Variants in PLCE1 observed in about 807,000 individuals in gnomAD.
PLCE1 encodes the protein 1-phosphatidylinositol 4,5-bisphosphate phosphodiesterase epsilon-1.
Under a neutral mutation model 242.8 loss-of-function variants are expected in PLCE1, and 119 were observed. The observed-to-expected ratio is 0.49, with a 90% CI of 0.42 to 0.57. The LOEUF (loss-of-function observed/expected upper bound fraction) is 0.57. Among genes scored for constraint, PLCE1 ranks in the 20% least tolerant of loss-of-function variants. PLCE1 has a pLI of 0.00. For missense variants in PLCE1, 2,441 were observed against 2,788.8 expected, an observed-to-expected ratio of 0.88 and a Z score of 2.81; for synonymous variants, 945 against 1,017.4, an observed-to-expected ratio of 0.93 and a Z score of 1.35.
chr10:94,306,741 C>T lies in PLCE1; in HGVS notation c.5884+53C>T. Reference sequence around the variant, plus strand: ...AATTGTTGTAGCTAGGTGATGGATGCCAGAATTTCCTTATACTCTTCTCTC... The same window carrying T: ...AATTGTTGTAGCTAGGTGATGGATGTCAGAATTTCCTTATACTCTTCTCTC... On this transcript the variant is annotated intron_variant, in intron 26 of 32. Transcript: ENST00000371380. This position sits in a 1 kb window ranked among gnomAD's most constrained non-coding sequence, Gnocchi z 5.7. 1 of 1,333,196 alleles carries T rather than the reference C, an allele frequency of 7.5e-7. No individual in the cohort carries two copies. Among genetic ancestry groups the T allele is most frequent in the Non-Finnish European group, 1.1e-6 (1 of 943,506 alleles). The allele number at this position is 1,333,196 out of a possible 1,614,324, so 82.6% of individuals were successfully genotyped here.
chr10:94,156,272 AC>A, intron 3 of PLCE1, among the ~76,000 whole-genome samples: 1 of 152,200 alleles, frequency 6.6e-6, no homozygotes, highest in Non-Finnish European at 1.5e-5. Flanking sequence ...AGCATCAGAC[AC>A]CACGGGTTAA....
intron 7 of PLCE1, among the ~76,000 whole-genome samples, chr10:94,240,277 T>C (rs2050459737): frequency 6.6e-6 from 1 of 152,206 alleles, no homozygotes; most frequent in Non-Finnish European, 1.5e-5. Context: ...AGAGCCTATC[T>C]TTAAGCAAAC....
At chr10:94,264,421 G>A (rs760058542) in intron 14 of PLCE1, among the ~76,000 whole-genome samples, 7 of 152,004 alleles carry the variant, frequency 4.6e-5, no homozygotes, top group East Asian at 1.9e-4. Context: ...CCAATCATCC[G>A]GGCCTTTTAG....
intron 2 of PLCE1, among the ~76,000 whole-genome samples, chr10:94,068,772 G>A (rs2044270570): frequency 6.6e-6 from 1 of 152,208 alleles, no homozygotes; most frequent in Non-Finnish European, 1.5e-5. Context: ...GGATTACCAA[G>A]CTAATAATTA....
intron 2 of PLCE1, among the ~76,000 whole-genome samples, chr10:94,077,820 T>C (rs931105107): frequency 2.0e-5 from 3 of 152,168 alleles, no homozygotes; most frequent in Admixed American, 1.3e-4. Flanking sequence ...GTTTACATCT[T>C]TGTGCACTTT....
chr10:94,163,007 C>T (rs1353605155), intron 3 of PLCE1, among the ~76,000 whole-genome samples: 27 of 152,094 alleles, frequency 1.8e-4, no homozygotes, highest in Admixed American at 1.3e-3. Flanking sequence ...TTGATTGCAC[C>T]GTGGTCTGAG....
chr10:94,304,227 T>A (rs905675031), intron 24 of PLCE1, among the ~76,000 whole-genome samples: 3 of 152,204 alleles, frequency 2.0e-5, no homozygotes, highest in Non-Finnish European at 4.4e-5. Flanking sequence ...GTGGTAACAC[T>A]GGGCATATCC....
intron 3 of PLCE1, among the ~76,000 whole-genome samples, chr10:94,150,177 C>T (rs950520466): frequency 3.0e-4 from 45 of 152,328 alleles, no homozygotes; most frequent in Admixed American, 5.9e-4. Flanking sequence ...CACTACGGCC[C>T]CGCCGCTGTG....
At position 94,328,803 on chromosome 10, in the gene PLCE1, C is replaced by CAGTT. The variant is rs1329546246; in HGVS notation, c.*862_*865dup. 2.0e-5 allele frequency: 3 copies of CAGTT among 151,938 alleles called. No homozygotes were observed. The highest frequency in any genetic ancestry group is 7.3e-5 in the African/African-American group (3 of 41,366). The allele number at this position is 151,938 out of a possible 1,614,324, so 9.4% of individuals were successfully genotyped here. ...GTTTTTTTTAAGGTTATTGCCTATT[C>CAGTT]AGTTAATAGGGTTGCTTTAAAAAAG... On this transcript the variant is annotated 3_prime_UTR_variant, in exon 33 of 33. Coordinates refer to ENST00000371380, the MANE Select transcript of PLCE1 (RefSeq NM_016341.4).
intron 2 of PLCE1, among the ~76,000 whole-genome samples, chr10:94,125,415 C>G (rs2046408870): frequency 6.6e-6 from 1 of 151,444 alleles, no homozygotes; most frequent in Non-Finnish European, 1.5e-5. Flanking sequence ...TTTTTTGAGA[C>G]AGAGTCTCGC....
intron 2 of PLCE1, among the ~76,000 whole-genome samples, chr10:94,076,180 G>A (rs1320312570): frequency 4.0e-5 from 6 of 151,884 alleles, no homozygotes; most frequent in South Asian, 4.2e-4. Context: ...CTGCTTCTGC[G>A]GTAGCTCTAG....
At chr10:94,283,472 C>T in intron 20 of PLCE1, 1 of 331,972 alleles carries the variant, frequency 3.0e-6, no homozygotes. Context: ...ATAATATTTG[C>T]ACAGTTCCAA....
At chr10:94,288,674 A>T (rs534202247) in intron 22 of PLCE1, among the ~76,000 whole-genome samples, 2 of 152,160 alleles carry the variant, frequency 1.3e-5, no homozygotes, top group Non-Finnish European at 2.9e-5. Context: ...CTTTGGATCC[A>T]CCACACAGTC....
Position 94,000,153 on chromosome 10 carries a change from G to A in PLCE1, c.-365+5895G>A, listed in dbSNP as rs570717072. 3.9e-4 allele frequency among the ~76,000 whole-genome samples: 59 copies of A among 152,316 alleles called. No individual in the cohort carries two copies. In the East Asian group the frequency reaches 0.01, roughly 27 times the overall value. ...TCTTATATACTGGGGCTCTGTTTGA[G>A]ATTTTGCGTGAAAGAGGGGCTCTAT... On this transcript the variant is annotated intron_variant, in intron 1 of 32. Coordinates refer to ENST00000371380, the MANE Select transcript of PLCE1 (RefSeq NM_016341.4).
chr10:94,255,616 C>T (rs2051044506), intron 11 of PLCE1, among the ~76,000 whole-genome samples: 1 of 152,090 alleles, frequency 6.6e-6, no homozygotes, highest in Admixed American at 6.6e-5. Context: ...TTATGCATGT[C>T]TAGAGGAATG....
chr10:94,162,560 G>A (rs1415267667), intron 3 of PLCE1, among the ~76,000 whole-genome samples: 2 of 151,584 alleles, frequency 1.3e-5, no homozygotes, highest in Non-Finnish European at 2.9e-5. Context: ...TTTTTTATTA[G>A]TCTTGCTAGC....
chr10:94,234,515 AAGTT>A (rs1185643732), intron 6 of PLCE1, among the ~76,000 whole-genome samples: 1 of 152,202 alleles, frequency 6.6e-6, no homozygotes, highest in Admixed American at 6.5e-5. Context: ...TAGTATTGTG[AAGTT>A]AGTTTTAATG....
intron 7 of PLCE1, among the ~76,000 whole-genome samples, chr10:94,242,138 T>C (rs1190875327): frequency 6.6e-6 from 1 of 152,152 alleles, no homozygotes; most frequent in Admixed American, 6.5e-5. Flanking sequence ...GACATAAGTA[T>C]TGGTTTTCCA....
intron 4 of PLCE1, among the ~76,000 whole-genome samples, chr10:94,206,576 TG>T (rs2049163635): frequency 6.6e-6 from 1 of 152,228 alleles, no homozygotes; most frequent in Non-Finnish European, 1.5e-5. Context: ...CTTGGCCCTG[TG>T]GGTGGTTTGG....
Sources: allele counts gnomAD v4.1 joint callset (sites outside exome capture counted in the v4.1 genomes callset), GRCh38; gene constraint gnomAD v4.1.1; non-coding constraint Gnocchi (gnomAD v3.1); transcripts MANE v1.5; gene names NCBI Gene and HGNC (gene_info 2026-07-23, HGNC 2026-07-21).